MPP7: variants seen among roughly 807,000 people sequenced by gnomAD.
MPP7 encodes MAGUK p55 scaffold protein 7.
Under a neutral mutation model 76.5 loss-of-function variants are expected in MPP7, and 60 were observed. That is an observed-to-expected ratio of 0.78 (90% CI 0.64 to 0.97). The LOEUF is 0.97. Among genes scored for constraint, MPP7 ranks in the 50% least tolerant of loss-of-function variants. MPP7 has a pLI of 0.00. For missense variants in MPP7, 641 were observed against 694.0 expected, an observed-to-expected ratio of 0.92 and a Z score of 0.86; for synonymous variants, 237 against 244.5, an observed-to-expected ratio of 0.97 and a Z score of 0.29.
At chr10:28,330,490 A>G (rs1169744737) in intron 1 of MPP7, among the ~76,000 whole-genome samples, 2 of 152,200 alleles carry the variant, frequency 1.3e-5, no homozygotes, top group African/African-American at 4.8e-5. Flanking sequence ...ACTTTTTTAA[A>G]AAAAGCAGGA....
At chr10:28,082,430 TCTC>T (rs567461627) in intron 12 of MPP7, among the ~76,000 whole-genome samples, 2 of 151,258 alleles carry the variant, frequency 1.3e-5, no homozygotes, top group East Asian at 2.0e-4. Flanking sequence ...CTTCTCTCCT[TCTC>T]CTCCTTCCTC....
chr10:28,111,660 GTTATATACA>G (rs1834510665), intron 11 of MPP7, among the ~76,000 whole-genome samples: 1 of 152,080 alleles, frequency 6.6e-6, no homozygotes, highest in African/African-American at 2.4e-5. Context: ...AATTATCAAT[GTTATATACA>G]TATCAAATGA....
At chr10:28,233,590 C>T (rs558690954) in intron 2 of MPP7, among the ~76,000 whole-genome samples, 2 of 151,708 alleles carry the variant, frequency 1.3e-5, no homozygotes, top group African/African-American at 4.8e-5. Context: ...TGGTGGCGGG[C>T]GCCTGTAGTC....
chr10:28,219,224 CAT>C (rs1838414683), intron 2 of MPP7, among the ~76,000 whole-genome samples: 1 of 151,968 alleles, frequency 6.6e-6, no homozygotes, highest in Non-Finnish European at 1.5e-5. Flanking sequence ...AAAACAATGA[CAT>C]ATCTAAAATG....
At chr10:28,184,918 GTTA>G (rs749778140) in intron 3 of MPP7, among the ~76,000 whole-genome samples, 181 of 145,310 alleles carry the variant, frequency 1.2e-3, no homozygotes, top group African/African-American at 3.6e-3. Context: ...ATTATTATAA[GTTA>G]TTATATTGTT....
At chr10:28,188,125 A>G (rs1254722099) in intron 3 of MPP7, among the ~76,000 whole-genome samples, 2 of 152,268 alleles carry the variant, frequency 1.3e-5, no homozygotes, top group African/African-American at 4.8e-5. Flanking sequence ...ATTCATGAGC[A>G]TTAATTTCAC....
rs151144058 is a variant in MPP7 at position 28,200,837 on chromosome 10, T to C, written c.156+1316A>G. Among the ~76,000 whole-genome samples the C allele has an allele frequency of 2.3e-4, 35 of 152,308 alleles. No homozygotes were observed. The East Asian group carries it at 5.0e-3, about 22-fold the overall frequency. On this transcript the variant is annotated intron_variant, in intron 3 of 16. Transcript: ENST00000683449. ...ATTTGTAAATACATACAAATGAATA[T>C]GCATCCATTGTTTGGAGGCATGCTT...
intron 2 of MPP7, among the ~76,000 whole-genome samples, chr10:28,203,938 T>C (rs553442272): frequency 6.6e-6 from 1 of 152,312 alleles, no homozygotes; most frequent in South Asian, 2.1e-4. Context: ...TAAAAAGTAC[T>C]CAATACATTT....
At chr10:28,070,965 G>A (rs532772639) in intron 12 of MPP7, among the ~76,000 whole-genome samples, 57 of 152,296 alleles carry the variant, frequency 3.7e-4, no homozygotes, top group Admixed American at 3.6e-3. Flanking sequence ...GTGGTTCAGC[G>A]GGTGACACAA....
chr10:28,260,480 T>C (rs1345282733), intron 1 of MPP7, among the ~76,000 whole-genome samples: 1 of 151,986 alleles, frequency 6.6e-6, no homozygotes, highest in Non-Finnish European at 1.5e-5. Context: ...TCTAACCAAA[T>C]AGTATGTTTC....
At chr10:28,097,088 C>G (rs1056387815) in intron 11 of MPP7, among the ~76,000 whole-genome samples, 3 of 152,034 alleles carry the variant, frequency 2.0e-5, no homozygotes, top group African/African-American at 7.2e-5. Flanking sequence ...CCCCTGGGCT[C>G]CAGCGATCCT....
At chr10:28,062,573 CACACACA>C (rs1851835081) in intron 13 of MPP7, among the ~76,000 whole-genome samples, 2 of 129,008 alleles carry the variant, frequency 1.6e-5, no homozygotes, top group African/African-American at 6.4e-5. Flanking sequence ...CACACACACA[CACACACA>C]CCAAAGGTTG....
chr10:28,205,992 C>A (rs565709709), intron 2 of MPP7, among the ~76,000 whole-genome samples: 1 of 152,228 alleles, frequency 6.6e-6, no homozygotes, highest in Non-Finnish European at 1.5e-5. Flanking sequence ...GCCTTTCTGC[C>A]ATGGATGACA....
At chr10:28,260,797 T>A (rs11006964) in intron 1 of MPP7, among the ~76,000 whole-genome samples, 2 of 149,378 alleles carry the variant, frequency 1.3e-5, no homozygotes, top group East Asian at 2.0e-4. Context: ...AAAAAAAATT[T>A]TTTTTAAATA....
chr10:28,206,353 AC>A (rs1459899365), intron 2 of MPP7, among the ~76,000 whole-genome samples: 2 of 152,212 alleles, frequency 1.3e-5, no homozygotes, highest in Non-Finnish European at 2.9e-5. Flanking sequence ...GATCCAAAAC[AC>A]ATTTTCTTTC....
At chr10:28,141,761 G>C (rs1022655920) in intron 5 of MPP7, among the ~76,000 whole-genome samples, 4 of 151,694 alleles carry the variant, frequency 2.6e-5, no homozygotes, top group Non-Finnish European at 4.4e-5. Context: ...GCATCCCAAT[G>C]GTTTTTTTTT....
chr10:28,160,580 G>T (rs902245569), intron 3 of MPP7, among the ~76,000 whole-genome samples: 1 of 152,116 alleles, frequency 6.6e-6, no homozygotes, highest in African/African-American at 2.4e-5. Context: ...TAGTCTCAGG[G>T]ATCCCCAGGG....
chr10:28,322,774 G>T (rs553379877), intron 2 of MPP7, among the ~76,000 whole-genome samples: 1 of 152,176 alleles, frequency 6.6e-6, no homozygotes, highest in South Asian at 2.1e-4. Context: ...GAGCACCCAC[G>T]TGTTAATATG....
chr10:28,200,373 G>A (rs1187091774), intron 3 of MPP7, among the ~76,000 whole-genome samples: 1 of 152,112 alleles, frequency 6.6e-6, no homozygotes, highest in Non-Finnish European at 1.5e-5. Context: ...AGCAATTACT[G>A]GAAAACATTT....
Sources: allele counts gnomAD v4.1 joint callset (sites outside exome capture counted in the v4.1 genomes callset), GRCh38; gene constraint gnomAD v4.1.1; transcripts MANE v1.5; gene names NCBI Gene and HGNC (gene_info 2026-07-23, HGNC 2026-07-21).